Variants in GPATCH2 observed in about 807,000 individuals in gnomAD.
GPATCH2 encodes the protein G-patch domain containing 2, also known as G patch domain-containing protein 2.
Under a neutral mutation model 58.0 loss-of-function variants are expected in GPATCH2, and 51 were observed. The ratio of observed to expected loss-of-function variants is 0.88; its 90% CI spans 0.70 to 1.11. The LOEUF (loss-of-function observed/expected upper bound fraction) is 1.11. Ranked by LOEUF, GPATCH2 falls within the 50% of genes most tolerant of loss-of-function variation. The probability of loss-of-function intolerance (pLI) is 0.00; values close to 1 mark genes in which losing one functional copy is unlikely to be tolerated. For missense variants in GPATCH2, 625 were observed against 652.2 expected (o/e 0.96, Z 0.45); for synonymous variants, 222 against 218.5 (o/e 1.02, Z -0.14).
chr1:217,441,667 T>A (rs1659147437), intron 9 of GPATCH2, among the ~76,000 whole-genome samples: 2 of 151,802 alleles, frequency 1.3e-5, no homozygotes, highest in African/African-American at 4.8e-5. Flanking sequence ...AACAACCCCA[T>A]CAAAAAGTGG....
rs200432459 is a variant in GPATCH2, at chr1:217,595,656, C to T, written c.1098+14665G>A. 7.2e-5 allele frequency among the ~76,000 whole-genome samples: 11 copies of T among 152,062 alleles called. No homozygotes were observed. In the East Asian group the frequency reaches 1.2e-3, roughly 16 times the overall value. ...CTGGGATTACAGGCATGTACCACCA[C>T]GCTTGGCTAATTTTTGTATTTTTAG... On this transcript the variant is annotated intron_variant, in intron 5 of 9. Coordinates refer to ENST00000366935, the MANE Select transcript of GPATCH2 (RefSeq NM_018040.5).
At chr1:217,463,641 CA>C (rs201402598) in intron 8 of GPATCH2, among the ~76,000 whole-genome samples, 435 of 82,104 alleles carry the variant, frequency 5.3e-3, no homozygotes, top group African/African-American at 0.012. Flanking sequence ...CTTATCACTC[CA>C]AAAAAAAAAA....
intron 1 of GPATCH2, among the ~76,000 whole-genome samples, chr1:217,622,210 T>A (rs1056039629): frequency 3.3e-5 from 5 of 151,738 alleles, no homozygotes; most frequent in Admixed American, 1.3e-4. Context: ...TACATGGTTT[T>A]GAATAGAAAA....
At chr1:217,473,719 A>G (rs1280957607) in intron 8 of GPATCH2, among the ~76,000 whole-genome samples, 1 of 152,208 alleles carries the variant, frequency 6.6e-6, no homozygotes, top group Non-Finnish European at 1.5e-5. Flanking sequence ...GATATAAGCA[A>G]GGTGGAAGAA....
At chr1:217,605,565 C>G (rs1668316434) in intron 5 of GPATCH2, among the ~76,000 whole-genome samples, 1 of 152,110 alleles carries the variant, frequency 6.6e-6, no homozygotes, top group Admixed American at 6.6e-5. Context: ...TTTATGTTGG[C>G]CTTCAACAAC....
At chr1:217,530,807 G>A (rs931562791) in intron 5 of GPATCH2, among the ~76,000 whole-genome samples, 4 of 152,164 alleles carry the variant, frequency 2.6e-5, no homozygotes, top group African/African-American at 9.7e-5. Context: ...ATTAGTGACT[G>A]TATAGGCTGA....
At chr1:217,571,489 T>G (rs532876130) in intron 5 of GPATCH2, among the ~76,000 whole-genome samples, 1 of 149,558 alleles carries the variant, frequency 6.7e-6, no homozygotes, top group African/African-American at 2.4e-5. Context: ...ATTTTACTTC[T>G]GGGCGCCACA....
intron 8 of GPATCH2, among the ~76,000 whole-genome samples, chr1:217,468,509 ACACAAC>A (rs1660563913): frequency 9.2e-6 from 1 of 109,004 alleles, no homozygotes; most frequent in Non-Finnish European, 1.8e-5. Flanking sequence ...AGGAATGCAC[ACACAAC>A]CACACACACA....
chr1:217,571,105 G>A (rs1479447824), intron 5 of GPATCH2, among the ~76,000 whole-genome samples: 3 of 152,150 alleles, frequency 2.0e-5, no homozygotes, highest in African/African-American at 7.2e-5. Context: ...TACTTCTCAA[G>A]TTTAATTATA....
chr1:217,432,117 G>A (rs1256773688), intron 9 of GPATCH2, among the ~76,000 whole-genome samples: 1 of 151,656 alleles, frequency 6.6e-6, no homozygotes, highest in Non-Finnish European at 1.5e-5. Flanking sequence ...TCCCTTCATA[G>A]GCCTCCAGAG....
intron 5 of GPATCH2, among the ~76,000 whole-genome samples, chr1:217,534,406 C>T (rs1265956876): frequency 6.6e-6 from 1 of 152,112 alleles, no homozygotes; most frequent in Non-Finnish European, 1.5e-5. Flanking sequence ...TTATTATCAA[C>T]TGGGTAAAGT....
chr1:217,611,358 A>G lies in GPATCH2; in HGVS notation c.836-287T>C, dbSNP rs369719191. ...TATTTGACAACTGCATATACAATCT[A>G]TAAGGAAAACTTTTTATTTTATACC... is the stretch of plus-strand genomic sequence containing the variant. On this transcript the variant is annotated intron_variant, in intron 3 of 9. Coordinates refer to ENST00000366935, the MANE Select transcript of GPATCH2 (RefSeq NM_018040.5). 7.3e-5 allele frequency among the ~76,000 whole-genome samples: 11 copies of G among 149,924 alleles called. No homozygotes were observed. The East Asian group carries it at 1.6e-3, about 21-fold the overall frequency.
intron 5 of GPATCH2, among the ~76,000 whole-genome samples, chr1:217,594,956 T>C (rs1382470330): frequency 6.6e-6 from 1 of 152,158 alleles, no homozygotes; most frequent in Non-Finnish European, 1.5e-5. Flanking sequence ...TTAAGGAGCA[T>C]GCCAAAGGAA....
At chr1:217,547,349 C>CAA (rs71303003) in intron 5 of GPATCH2, among the ~76,000 whole-genome samples, 49 of 144,362 alleles carry the variant, frequency 3.4e-4, no homozygotes, top group South Asian at 1.1e-3. Flanking sequence ...GGTGACAGCG[C>CAA]AAAAAAAAAA....
intron 5 of GPATCH2, chr1:217,608,993 G>A (rs924517769): frequency 2.0e-6 from 2 of 977,500 alleles, no homozygotes; most frequent in African/African-American, 3.5e-5. Context: ...ATGGCAACTT[G>A]AAGTTTCTTT....
At chr1:217,546,393 G>T (rs1665052139) in intron 5 of GPATCH2, among the ~76,000 whole-genome samples, 1 of 152,022 alleles carries the variant, frequency 6.6e-6, no homozygotes, top group South Asian at 2.1e-4. Context: ...AAACAGCATG[G>T]TACTGGTACA....
chr1:217,631,009 C>G lies in GPATCH2; in HGVS notation c.-38G>C, dbSNP rs199822185. On this transcript the variant is annotated 5_prime_UTR_variant, in exon 1 of 10. Transcript: ENST00000366935. ...GGAGCCTGGCCTCGAAGCTCAGGCC[C>G]GTGAACAGACTCCAACTACAACAGC... 11 of 1,554,188 alleles carry G rather than the reference C, an allele frequency of 7.1e-6. No homozygotes were observed. Among genetic ancestry groups the G allele is most frequent in the Middle Eastern group, 1.7e-4 (1 of 6,000 alleles).
At chr1:217,460,004 A>G (rs1660131185) in intron 8 of GPATCH2, among the ~76,000 whole-genome samples, 1 of 152,138 alleles carries the variant, frequency 6.6e-6, no homozygotes, top group Admixed American at 6.5e-5. Flanking sequence ...TAGAGAATAT[A>G]TATATTTAAT....
At chr1:217,616,107 A>G (rs1055547820) in intron 2 of GPATCH2, among the ~76,000 whole-genome samples, 3 of 152,174 alleles carry the variant, frequency 2.0e-5, no homozygotes, top group African/African-American at 7.2e-5. Context: ...AACCATAGTA[A>G]TGTACAATAT....
Sources: gnomAD v4.1 joint callset for allele counts (sites outside exome capture counted in the v4.1 genomes callset) on GRCh38, gnomAD v4.1.1 for gene constraint, MANE v1.5 for transcripts, NCBI Gene and HGNC (gene_info 2026-07-23, HGNC 2026-07-21) for gene names.